Variants in FANCA observed in about 807,000 individuals in gnomAD.
The protein encoded by FANCA is FA complementation group A.
In FANCA, 236 loss-of-function variants were observed where a neutral mutation model predicts 194.3. The observed-to-expected ratio is 1.21, with a 90% CI of 1.09 to 1.35. The LOEUF (loss-of-function observed/expected upper bound fraction) is 1.35. FANCA is among the 40% of genes most tolerant of loss of function. The pLI is 0.00. For missense variants in FANCA, 2,628 were observed against 1,813.9 expected, an observed-to-expected ratio of 1.45 and a Z score of -8.15; for synonymous variants, 1,014 against 715.8, an observed-to-expected ratio of 1.42 and a Z score of -6.65.
At chr16:89,768,490 T>A (rs1024351320) in intron 26 of FANCA, among the ~76,000 whole-genome samples, 8 of 152,100 alleles carry the variant, frequency 5.3e-5, no homozygotes, top group Non-Finnish European at 1.0e-4. Context: ...ACCCCATCTC[T>A]ACTAAAAATA....
At chr16:89,768,401 C>T (rs1055538287) in intron 26 of FANCA, among the ~76,000 whole-genome samples, 1 of 152,158 alleles carries the variant, frequency 6.6e-6, no homozygotes, top group Non-Finnish European at 1.5e-5. Flanking sequence ...GGCGTGGAGG[C>T]TCACACCTGT....
In FANCA at chr16:89,792,669, G is replaced by C. The variant is rs1484297460; in HGVS notation, c.1007-122C>G. The C allele has an allele frequency of 2.1e-5, 16 of 772,808 alleles. No homozygotes were observed. The Admixed American group carries it at 2.6e-4, about 13-fold the overall frequency. The allele number at this position is 772,808 out of a possible 1,614,324, so 47.9% of individuals were successfully genotyped here. A position where few individuals can be genotyped will look rare whatever the true frequency, so the allele number is the denominator to read the frequency against. On this transcript the variant is annotated intron_variant, in intron 11 of 42. Transcript: ENST00000389301. ...CCGTGTGCGGCGACGAGAGAGTGTA[G>C]AAAGAAAGATACAAGACAAAGAGAT...
chr16:89,804,801 A>AG (rs1167136589), intron 7 of FANCA, among the ~76,000 whole-genome samples: 2 of 152,196 alleles, frequency 1.3e-5, no homozygotes, highest in East Asian at 1.9e-4. Flanking sequence ...TGGGAGGCCG[A>AG]GGGGGGTGCA....
chr16:89,759,817 CAGAA>C (rs2038888886), intron 29 of FANCA, among the ~76,000 whole-genome samples: 1 of 152,232 alleles, frequency 6.6e-6, no homozygotes, highest in African/African-American at 2.4e-5. Context: ...TCCATTTATG[CAGAA>C]AGAGCCACAA....
intron 33 of FANCA, among the ~76,000 whole-genome samples, chr16:89,747,985 T>C (rs1269422226): frequency 6.6e-6 from 1 of 152,174 alleles, no homozygotes; most frequent in African/African-American, 2.4e-5. Context: ...GGATCTTGGC[T>C]CAGTGCAACT....
At chr16:89,802,259 C>A (rs1457704862) in intron 8 of FANCA, among the ~76,000 whole-genome samples, 1 of 150,824 alleles carries the variant, frequency 6.6e-6, no homozygotes, top group African/African-American at 2.5e-5. Flanking sequence ...TGCCACCACG[C>A]CCGGCTATTT....
At chr16:89,803,408 G>C (rs976810883) in intron 7 of FANCA, 67 bp from the exon 8 acceptor site, 9 of 1,406,470 alleles carry the variant, frequency 6.4e-6, no homozygotes, top group South Asian at 1.2e-5. Flanking sequence ...GAATGGCACA[G>C]ACCATCCACT....
Position 89,816,543 on chromosome 16 carries a change from G to C in FANCA, c.73C>G (p.Leu25Val). The part of the protein sequence containing the change: ...PGGRRRAWAE[L>V]LAGRVKREKY... Reference sequence around the variant, plus strand: ...GCCTGCCGCGCCCACCTACCCAGCAGCTCGGCCCAGGCCCTCCGGCGGCCC... The same window carrying C: ...GCCTGCCGCGCCCACCTACCCAGCACCTCGGCCCAGGCCCTCCGGCGGCCC... The change falls in exon 1 of 43, where the codon CTG becomes GTG. Residue 25 changes from leucine to valine, a missense_variant. Transcript: ENST00000389301. 1 of 1,499,048 alleles carries C rather than the reference G, an allele frequency of 6.7e-7. No homozygotes were observed. Among genetic ancestry groups the C allele is most frequent in the South Asian group, 1.2e-5 (1 of 80,682 alleles). The allele number at this position is 1,499,048 out of a possible 1,614,324, so 92.9% of individuals were successfully genotyped here.
intron 3 of FANCA, 98 bp downstream of exon 3, chr16:89,814,422 C>A: frequency 1.1e-6 from 1 of 937,326 alleles, no homozygotes; most frequent in South Asian, 1.5e-5. Flanking sequence ...AACCCATCGC[C>A]TGAGAAAATT....
intron 5 of FANCA, among the ~76,000 whole-genome samples, chr16:89,809,207 C>G (rs761142084): frequency 4.6e-5 from 7 of 151,930 alleles, no homozygotes; most frequent in South Asian, 4.2e-4. Context: ...GGCCCGGCCC[C>G]TAACTCGCAC....
intron 5 of FANCA, 197 bp downstream of exon 5, chr16:89,810,510 T>C (rs1206320402): frequency 1.7e-6 from 1 of 598,848 alleles, no homozygotes; most frequent in East Asian, 2.9e-5. Context: ...GATAGGTGAA[T>C]AGGGACAAAA....
intron 21 of FANCA, among the ~76,000 whole-genome samples, chr16:89,774,859 C>T (rs568626739): frequency 4.6e-5 from 7 of 151,588 alleles, no homozygotes; most frequent in African/African-American, 1.7e-4. Context: ...TTTGAAAGGC[C>T]GAGGCAGGCG....
chr16:89,743,053 CAG>C (rs1293030912), intron 36 of FANCA, 115 bp from the exon 37 acceptor site: 1 of 1,258,276 alleles, frequency 7.9e-7, no homozygotes, highest in African/African-American at 1.5e-5. Flanking sequence ...CATCAGAGGA[CAG>C]AGAAGGGTTT....
intron 24 of FANCA, 121 bp downstream of exon 24, chr16:89,770,443 C>T (rs1280722009): frequency 1.8e-6 from 2 of 1,087,844 alleles, no homozygotes; most frequent in South Asian, 2.7e-5. Flanking sequence ...TTTGATGAAA[C>T]TCAGCATCGC....
chr16:89,805,691 C>G (rs2040615363), intron 6 of FANCA, among the ~76,000 whole-genome samples: 1 of 151,756 alleles, frequency 6.6e-6, no homozygotes, highest in Non-Finnish European at 1.5e-5. Context: ...CCACCTTGCC[C>G]TCCCAAAGTG....
rs747421581 is a variant in FANCA, at chr16:89,782,871, C to G, written c.1614G>C (p.Gly538=). 2.5e-6 allele frequency: 4 copies of G among 1,613,876 alleles called. No individual in the cohort carries two copies. The highest frequency in any genetic ancestry group is 3.3e-5 in the Admixed American group (2 of 60,000). The change falls in exon 17 of 43, where the codon GGG becomes GGC. Residue 538 remains glycine (G), a synonymous_variant. Coordinates refer to ENST00000389301, the MANE Select transcript of FANCA (RefSeq NM_000135.4). ...MGLYEDLSSA[G]DITEPHSQAL... is the part of the protein sequence containing the mutation. ...CAAGCAACATTACCTCAGTAATGTC[C>G]CCAGCTGATGACAAATCCTCGTAGA... is the stretch of plus-strand genomic sequence containing the variant.
intron 11 of FANCA, among the ~76,000 whole-genome samples, chr16:89,795,348 G>A (rs1006955544): frequency 5.3e-5 from 8 of 151,312 alleles, no homozygotes; most frequent in East Asian, 1.9e-4. Flanking sequence ...TCTATTTTAC[G>A]CTGGGTGCGG....
rs199652831 is a variant in FANCA, at chr16:89,738,965, C to T, written c.4177G>A (p.Val1393Met). Residue 1393 changes from valine (V) to methionine (M), a missense_variant, in exon 42 of 43, where the codon GTG becomes ATG. By Grantham distance (21) the Val-to-Met change is conservative. Coordinates refer to ENST00000389301, the MANE Select transcript of FANCA (RefSeq NM_000135.4). Reference protein sequence around the residue: ...SLELKGQGNPVELITKARLFL... With the variant: ...SLELKGQGNPMELITKARLFL... ...AGACGAGCTTTTGTTATCAGTTCCACGGGGTTGCCCTAGAGAGAAAACAGG... is the reference window on the plus strand; with the variant it reads ...AGACGAGCTTTTGTTATCAGTTCCATGGGGTTGCCCTAGAGAGAAAACAGG... The T allele has an allele frequency of 2.3e-5, 37 of 1,614,114 alleles. No homozygotes were observed. The highest frequency in any genetic ancestry group is 1.6e-4 in the Middle Eastern group (1 of 6,084).
Position 89,752,873 on chromosome 16 carries a change from C to T in FANCA, c.2982-651G>A, listed in dbSNP as rs9939253. 1.8e-3 allele frequency among the ~76,000 whole-genome samples: 275 copies of T among 152,182 alleles called. 1 individual carries two copies. The highest frequency in any genetic ancestry group is 6.3e-3 in the African/African-American group (261 of 41,526). On this transcript the variant is annotated intron_variant, in intron 30 of 42. Transcript: ENST00000389301. ...GAACAACACCCACTACTTAGCAGAC[C>T]GGGAAAGGGAGTCTCCCTTTCCCCC...
Sources: gnomAD v4.1 joint callset for allele counts (sites outside exome capture counted in the v4.1 genomes callset) on GRCh38, gnomAD v4.1.1 for gene constraint, MANE v1.5 for transcripts, NCBI Gene and HGNC (gene_info 2026-07-23, HGNC 2026-07-21) for gene names.